Variants in SLC25A21 observed in about 807,000 individuals in gnomAD.
The protein encoded by SLC25A21 is solute carrier family 25 member 21, also known as mitochondrial 2-oxodicarboxylate carrier.
SLC25A21 carries 47 observed loss-of-function variants against 43.8 expected under a neutral mutation model. The observed-to-expected ratio is 1.07, with a 90% CI of 0.85 to 1.37. The LOEUF (loss-of-function observed/expected upper bound fraction) is 1.37, where lower values mean the gene tolerates loss of function less well. Ranked by LOEUF, SLC25A21 falls within the 40% of genes most tolerant of loss-of-function variation. The pLI is 0.00. For synonymous variants in SLC25A21, 131 were observed against 121.3 expected (o/e 1.08, Z -0.52); for missense variants, 352 against 350.2 (o/e 1.00, Z -0.04).
chr14:36,940,329 A>G (rs920006355), intron 1 of SLC25A21, among the ~76,000 whole-genome samples: 2 of 152,130 alleles, frequency 1.3e-5, no homozygotes, highest in Middle Eastern at 3.4e-3. Context: ...TTTTAATAAA[A>G]TTTTCTCTAA....
At chr14:36,845,465 A>G (rs1402322328) in intron 2 of SLC25A21, among the ~76,000 whole-genome samples, 1 of 152,226 alleles carries the variant, frequency 6.6e-6, no homozygotes. Context: ...AACCTCATAC[A>G]CAGACTTAGA....
At chr14:36,876,391 C>A (rs910136105) in intron 1 of SLC25A21, among the ~76,000 whole-genome samples, 1 of 152,096 alleles carries the variant, frequency 6.6e-6, no homozygotes, top group Non-Finnish European at 1.5e-5. Flanking sequence ...CTAATAAGAT[C>A]CAATATGGAT....
At chr14:36,684,386 C>T (rs1446168956) in intron 8 of SLC25A21, among the ~76,000 whole-genome samples, 3 of 151,988 alleles carry the variant, frequency 2.0e-5, no homozygotes, top group Non-Finnish European at 4.4e-5. Context: ...TATAATTCTC[C>T]CAGAAGAATA....
At chr14:37,158,901 C>G (rs952983787) in intron 1 of SLC25A21, among the ~76,000 whole-genome samples, 11 of 152,012 alleles carry the variant, frequency 7.2e-5, no homozygotes, top group Admixed American at 2.6e-4. Context: ...GGATACAAAA[C>G]CAACATACAA....
At chr14:36,930,885 A>C (rs1892268304) in intron 1 of SLC25A21, among the ~76,000 whole-genome samples, 1 of 152,126 alleles carries the variant, frequency 6.6e-6, no homozygotes, top group Non-Finnish European at 1.5e-5. Flanking sequence ...AAGTATTTCC[A>C]GTATTTGCTT....
intron 1 of SLC25A21, among the ~76,000 whole-genome samples, chr14:36,890,501 C>T (rs1191249465): frequency 6.6e-6 from 1 of 151,998 alleles, no homozygotes; most frequent in East Asian, 1.9e-4. Flanking sequence ...AATCAGGATA[C>T]TGGAGGGAGA....
chr14:36,826,537 C>T (rs1430039311), intron 2 of SLC25A21, among the ~76,000 whole-genome samples: 2 of 152,186 alleles, frequency 1.3e-5, no homozygotes, highest in Non-Finnish European at 2.9e-5. Context: ...ATTCACCACT[C>T]AAAATCAGCA....
At position 36,853,755 on chromosome 14, in the gene SLC25A21, G is replaced by C. The variant is rs567491958; in HGVS notation, c.119+21201C>G. On this transcript the variant is annotated intron_variant, in intron 2 of 9. Coordinates refer to ENST00000331299, the MANE Select transcript of SLC25A21 (RefSeq NM_030631.4). The stretch of plus-strand genomic sequence containing the variant: ...AAATGCCACAGCTTTTTAATGGTCT[G>C]ACCCCTGGGACTTTCATCAGCCAAC... 1.6e-4 allele frequency among the ~76,000 whole-genome samples: 25 copies of C among 152,294 alleles called. No homozygotes were observed. In the South Asian group the frequency reaches 5.0e-3, roughly 30 times the overall value.
chr14:37,119,583 AAAAG>A (rs1566894732), intron 1 of SLC25A21, among the ~76,000 whole-genome samples: 1 of 152,008 alleles, frequency 6.6e-6, no homozygotes, highest in Non-Finnish European at 1.5e-5. Flanking sequence ...AAAAGAAAAG[AAAAG>A]AACTATAAGC....
chr14:36,912,009 T>C (rs1891698608), intron 1 of SLC25A21, among the ~76,000 whole-genome samples: 1 of 152,202 alleles, frequency 6.6e-6, no homozygotes, highest in Admixed American at 6.5e-5. Context: ...AACTACTTAT[T>C]TTTTAAATCT....
In SLC25A21 at chr14:36,880,558, G is replaced by C. The variant is rs558533848; in HGVS notation, c.71-5554C>G. Among the ~76,000 whole-genome samples, 6 of 152,154 alleles carry C rather than the reference G, an allele frequency of 3.9e-5. No individual in the cohort carries two copies. In the East Asian group the frequency reaches 1.2e-3, roughly 29 times the overall value. On this transcript the variant is annotated intron_variant, in intron 1 of 9. Coordinates refer to ENST00000331299, the MANE Select transcript of SLC25A21 (RefSeq NM_030631.4). ...TTGTATCCTCACCACTTTGCACAAT[G>C]GCTGGTACTCAGTATGCTCAATAAG... is the stretch of plus-strand genomic sequence containing the variant.
At position 36,678,782 on chromosome 14, in the gene SLC25A21, T is replaced by G. The variant is rs1342707552; in HGVS notation, c.*1876A>C. On this transcript the variant is annotated 3_prime_UTR_variant, in exon 10 of 10. Coordinates refer to ENST00000331299, the MANE Select transcript of SLC25A21 (RefSeq NM_030631.4). ...TCTTGTATTTTAAAAAATCTAATAT[T>G]AATGGTATTGAAGTTTCCTTTTCTC... The G allele has an allele frequency of 5.7e-6, 6 of 1,051,870 alleles. No individual in the cohort carries two copies. In the East Asian group the frequency reaches 1.7e-4, roughly 29 times the overall value. 65.2% of individuals were successfully genotyped at this position (1,051,870 alleles called of 1,614,324 possible). A position where few individuals can be genotyped will look rare whatever the true frequency, so the allele number is the denominator to read the frequency against.
chr14:36,944,676 G>A (rs751124294), intron 1 of SLC25A21, among the ~76,000 whole-genome samples: 2 of 152,120 alleles, frequency 1.3e-5, no homozygotes, highest in Non-Finnish European at 1.5e-5. Flanking sequence ...GCATTTCTAA[G>A]CCACAGAATT....
chr14:36,729,404 C>A, intron 5 of SLC25A21, 103 bp downstream of exon 5: 1 of 879,432 alleles, frequency 1.1e-6, no homozygotes, highest in Non-Finnish European at 1.7e-6. Context: ...AACTCGAATT[C>A]ATATTTTAGT....
intron 3 of SLC25A21, among the ~76,000 whole-genome samples, chr14:36,736,565 AGTTCT>A (rs1430351256): frequency 2.6e-5 from 4 of 152,182 alleles, no homozygotes; most frequent in African/African-American, 9.7e-5. Context: ...AAAGGTTATT[AGTTCT>A]GTTCTTTCTG....
chr14:36,686,970 G>A (rs1459331518), intron 7 of SLC25A21, among the ~76,000 whole-genome samples: 1 of 152,134 alleles, frequency 6.6e-6, no homozygotes, highest in Non-Finnish European at 1.5e-5. Flanking sequence ...TTATTTATTT[G>A]AGATGGAGTC....
At chr14:37,163,214 C>A (rs1043992885) in intron 1 of SLC25A21, among the ~76,000 whole-genome samples, 1 of 151,650 alleles carries the variant, frequency 6.6e-6, no homozygotes, top group African/African-American at 2.4e-5. Context: ...GTGGGTGCAG[C>A]GCACCAGCAT....
At chr14:37,140,746 T>G (rs1963556220) in intron 1 of SLC25A21, among the ~76,000 whole-genome samples, 1 of 152,218 alleles carries the variant, frequency 6.6e-6, no homozygotes, top group Non-Finnish European at 1.5e-5. Flanking sequence ...ATGTGGTATG[T>G]TGAAACAGAG....
At chr14:36,815,886 C>T (rs1331035134) in intron 2 of SLC25A21, among the ~76,000 whole-genome samples, 1 of 152,092 alleles carries the variant, frequency 6.6e-6, no homozygotes, top group Non-Finnish European at 1.5e-5. Context: ...ACAATTTTAC[C>T]TGCTTTTTAA....
Sources: gnomAD v4.1 joint callset for allele counts (sites outside exome capture counted in the v4.1 genomes callset) on GRCh38, gnomAD v4.1.1 for gene constraint, MANE v1.5 for transcripts, NCBI Gene and HGNC (gene_info 2026-07-23, HGNC 2026-07-21) for gene names.